The following PTPN14 variants were observed in gnomAD, a reference collection of about 807,000 sequenced individuals.
PTPN14 encodes the protein tyrosine-protein phosphatase non-receptor type 14.
Under a neutral mutation model 126.8 loss-of-function variants are expected in PTPN14, and 53 were observed. The ratio of observed to expected loss-of-function variants is 0.42; its 90% CI spans 0.34 to 0.53. PTPN14 has a LOEUF of 0.53. Among genes scored for constraint, PTPN14 ranks in the 20% least tolerant of loss-of-function variants. The pLI is 0.08. For synonymous variants in PTPN14, 630 were observed against 599.3 expected, an observed-to-expected ratio of 1.05 and a Z score of -0.75; for missense variants, 1,257 against 1,552.9, an observed-to-expected ratio of 0.81 and a Z score of 3.20.
intron 3 of PTPN14, among the ~76,000 whole-genome samples, chr1:214,421,811 C>T (rs1424432262): frequency 6.6e-6 from 1 of 152,132 alleles, no homozygotes; most frequent in Non-Finnish European, 1.5e-5. Flanking sequence ...GTCTAACCAC[C>T]CTTGCCTATC....
chr1:214,496,011 T>C (rs1028985715), intron 1 of PTPN14, among the ~76,000 whole-genome samples: 10 of 152,240 alleles, frequency 6.6e-5, no homozygotes, highest in Non-Finnish European at 1.2e-4. Context: ...GTTATTTTAA[T>C]ACATTTTTCA....
rs184341373 is a variant in PTPN14, at chr1:214,405,123, G to A, written c.511-2170C>T. Among the ~76,000 whole-genome samples the A allele has an allele frequency of 5.8e-4, 89 of 152,260 alleles. 1 individual carries two copies. Among genetic ancestry groups the A allele is most frequent in the African/African-American group, 2.0e-3 (84 of 41,548 alleles). ...GGGCCTTTACATGCCCATCCCCTCT[G>A]GGAGAACCATCCCATAACGTCATGC... On this transcript the variant is annotated intron_variant, in intron 5 of 18. Transcript: ENST00000366956.
chr1:214,547,746 G>T (rs1656007626), intron 1 of PTPN14, among the ~76,000 whole-genome samples: 1 of 152,130 alleles, frequency 6.6e-6, no homozygotes, highest in Admixed American at 6.5e-5. Context: ...ATTACAGTAA[G>T]AAGTATACAA....
intron 1 of PTPN14, among the ~76,000 whole-genome samples, chr1:214,498,642 C>T (rs1488204788): frequency 6.6e-6 from 1 of 152,162 alleles, no homozygotes; most frequent in Non-Finnish European, 1.5e-5. Flanking sequence ...TAAAAATTCT[C>T]AATTTCCCAT....
intron 1 of PTPN14, among the ~76,000 whole-genome samples, chr1:214,478,331 G>A (rs1660910203): frequency 6.6e-6 from 1 of 152,098 alleles, no homozygotes; most frequent in Admixed American, 6.5e-5. Flanking sequence ...TCTGAACAAT[G>A]CTCATGATGT....
Position 214,384,049 on chromosome 1 carries a change from C to T in PTPN14, c.1806G>A (p.Val602=). 1 of 1,588,342 alleles carries T rather than the reference C, an allele frequency of 6.3e-7. No individual in the cohort carries two copies. Among genetic ancestry groups the T allele is most frequent in the Non-Finnish European group, 8.5e-7 (1 of 1,169,944 alleles). ...CTTGGAAGGTCTTCACCGAGAGCTG[C>T]ACCTTCCGGGTCACCAGGTCCGGGC... is the stretch of plus-strand genomic sequence containing the variant. ...GSSPDLVTRK[V]QLSVKTFQED... The change falls in exon 13 of 19, where the codon GTG becomes GTA. Residue 602 remains valine (V), a synonymous_variant. Coordinates refer to ENST00000366956, the MANE Select transcript of PTPN14 (RefSeq NM_005401.5). The surrounding 1 kb of genome is among the most constrained non-coding windows in gnomAD (Gnocchi z 5.3).
intron 1 of PTPN14, among the ~76,000 whole-genome samples, chr1:214,500,225 T>C (rs1013700007): frequency 2.2e-4 from 34 of 152,114 alleles, no homozygotes; most frequent in African/African-American, 7.7e-4. Context: ...ATTCTTGTAT[T>C]TGTGGCAATT....
intron 2 of PTPN14, among the ~76,000 whole-genome samples, chr1:214,462,729 G>A (rs1266515369): frequency 6.6e-6 from 1 of 152,130 alleles, no homozygotes; most frequent in Non-Finnish European, 1.5e-5. Context: ...TTATTTAAAG[G>A]CTGGACTCCC....
rs757134141 is a variant in PTPN14, at chr1:214,394,971, C to T, written c.774G>A (p.Gly258=). Residue 258 remains glycine, a synonymous_variant, in exon 9 of 19, where the codon GGG becomes GGA. Coordinates refer to ENST00000366956, the MANE Select transcript of PTPN14 (RefSeq NM_005401.5). The part of the protein sequence containing the change: ...QAVIYRWNDM[G]NITHNKSTIL... ...TGGTCGACTTGTTATGAGTGATATT[C>T]CCCATGTCATTCCACCTGGTTAGAA... is the stretch of plus-strand genomic sequence containing the variant. 2 of 1,612,466 alleles carry T rather than the reference C, an allele frequency of 1.2e-6. No homozygotes were observed. Among genetic ancestry groups the T allele is most frequent in the South Asian group, 1.1e-5 (1 of 91,066 alleles).
At chr1:214,487,519 A>C (rs1345622136) in intron 1 of PTPN14, among the ~76,000 whole-genome samples, 8 of 151,770 alleles carry the variant, frequency 5.3e-5, no homozygotes, top group African/African-American at 1.7e-4. Flanking sequence ...CCAGTTGCTC[A>C]GGAGGCTGAG....
chr1:214,431,540 T>C (rs1218588843), intron 3 of PTPN14, among the ~76,000 whole-genome samples: 1 of 152,218 alleles, frequency 6.6e-6, no homozygotes, highest in East Asian at 1.9e-4. Context: ...GTAAAGCCTG[T>C]GCTCTTTACC....
At chr1:214,436,526 G>A (rs1260284429) in intron 3 of PTPN14, among the ~76,000 whole-genome samples, 1 of 152,214 alleles carries the variant, frequency 6.6e-6, no homozygotes, top group Non-Finnish European at 1.5e-5. Context: ...GCTGGGTACA[G>A]TGGCTCATGC....
chr1:214,490,844 GGAAA>G (rs1372424874), intron 1 of PTPN14, among the ~76,000 whole-genome samples: 1 of 52,082 alleles, frequency 1.9e-5, no homozygotes, highest in African/African-American at 9.2e-5. Context: ...GGAAAGGAAA[GGAAA>G]GGAAGGGAAG....
chr1:214,426,331 ATTC>A (rs1156606329), intron 3 of PTPN14, among the ~76,000 whole-genome samples: 1 of 152,144 alleles, frequency 6.6e-6, no homozygotes, highest in Non-Finnish European at 1.5e-5. Flanking sequence ...TCTCTCTACA[ATTC>A]TTCCTTTCAA....
chr1:214,406,793 C>T (rs1193253912), intron 5 of PTPN14, among the ~76,000 whole-genome samples: 1 of 152,168 alleles, frequency 6.6e-6, no homozygotes, highest in Non-Finnish European at 1.5e-5. Flanking sequence ...CCTGTCAGAG[C>T]ATTTTACCAT....
intron 3 of PTPN14, among the ~76,000 whole-genome samples, chr1:214,448,343 G>A (rs1269255277): frequency 6.6e-6 from 1 of 151,690 alleles, no homozygotes; most frequent in Admixed American, 6.6e-5. Context: ...CCATTCTCCT[G>A]CCTCAGACTC....
intron 1 of PTPN14, among the ~76,000 whole-genome samples, chr1:214,546,968 A>C (rs1655985008): frequency 6.6e-6 from 1 of 152,172 alleles, no homozygotes; most frequent in African/African-American, 2.4e-5. Flanking sequence ...AACAGGAAAA[A>C]GGAAAGGAAA....
chr1:214,522,067 G>A (rs1169313947), intron 1 of PTPN14, among the ~76,000 whole-genome samples: 2 of 151,014 alleles, frequency 1.3e-5, no homozygotes, highest in East Asian at 4.0e-4. Context: ...CTCCCTAGTA[G>A]CTGGAATTAG....
intron 1 of PTPN14, among the ~76,000 whole-genome samples, chr1:214,475,491 C>T (rs537550680): frequency 2.0e-5 from 3 of 152,204 alleles, no homozygotes; most frequent in African/African-American, 7.2e-5. Context: ...CTCAAATGAG[C>T]TTTGTCTAGT....
Sources: gnomAD v4.1 joint callset for allele counts (sites outside exome capture counted in the v4.1 genomes callset) on GRCh38, gnomAD v4.1.1 for gene constraint, Gnocchi (gnomAD v3.1) non-coding constraint, MANE v1.5 for transcripts, NCBI Gene and HGNC (gene_info 2026-07-23, HGNC 2026-07-21) for gene names.